Variants in RBFOX1 observed in about 807,000 individuals in gnomAD.
RBFOX1 encodes the protein RNA binding protein fox-1 homolog 1.
RBFOX1 carries 8 observed loss-of-function variants against 57.7 expected under a neutral mutation model. The ratio of observed to expected loss-of-function variants is 0.14; its 90% CI spans 0.08 to 0.25. RBFOX1 has a LOEUF of 0.25. RBFOX1 is among the 10% of genes least tolerant of loss of function. The pLI, the probability that RBFOX1 is intolerant of heterozygous loss-of-function variation, is 1.00. For missense variants in RBFOX1, 611 were observed against 548.5 expected (o/e 1.11, Z -1.14); for synonymous variants, 326 against 222.4 (o/e 1.47, Z -4.15).
In RBFOX1 at chr16:5,709,344, C is replaced by G. The variant is rs74006218; in HGVS notation, c.318+110383C>G. 7.2e-3 allele frequency among the ~76,000 whole-genome samples: 1,101 copies of G among 152,222 alleles called. 9 individuals carry two copies. The highest frequency in any genetic ancestry group is 0.024 in the African/African-American group (1,008 of 41,534). The stretch of plus-strand genomic sequence containing the variant: ...AAGAGTAAGGAATGGTTCTTCTGTT[C>G]TTTGATCAGTGAGCATGTGCCTGAA... On this transcript the variant is annotated intron_variant, in intron 3 of 19. Coordinates refer to the RBFOX1 transcript ENST00000641259.
At chr16:6,767,729 T>C (rs928310720) in intron 3 of RBFOX1, among the ~76,000 whole-genome samples, 16 of 151,502 alleles carry the variant, frequency 1.1e-4, no homozygotes, top group African/African-American at 3.4e-4. Context: ...GCCTGGCCAA[T>C]ATGGTGAAAC....
intron 3 of RBFOX1, among the ~76,000 whole-genome samples, chr16:6,903,204 G>A (rs2068904001): frequency 6.6e-6 from 1 of 152,156 alleles, no homozygotes; most frequent in Non-Finnish European, 1.5e-5. Context: ...AGATCTGGGG[G>A]CTAGAGAGCT....
intron 3 of RBFOX1, among the ~76,000 whole-genome samples, chr16:5,839,457 C>G (rs1159816110): frequency 6.6e-6 from 1 of 152,162 alleles, no homozygotes; most frequent in Admixed American, 6.5e-5. Flanking sequence ...GGTCCTGATT[C>G]ACCAGATGCA....
chr16:7,236,894 T>C (rs1002089151), intron 4 of RBFOX1, among the ~76,000 whole-genome samples: 1 of 152,114 alleles, frequency 6.6e-6, no homozygotes, highest in African/African-American at 2.4e-5. Context: ...ATGGCTGTTG[T>C]TGGGAGGATT....
intron 2 of RBFOX1, among the ~76,000 whole-genome samples, chr16:6,461,557 T>C (rs2094922129): frequency 6.6e-6 from 1 of 152,224 alleles, no homozygotes; most frequent in Non-Finnish European, 1.5e-5. Flanking sequence ...ACCATAACAC[T>C]TGTGTGGCTG....
chr16:5,628,466 C>G (rs916961452), intron 3 of RBFOX1, among the ~76,000 whole-genome samples: 2 of 152,030 alleles, frequency 1.3e-5, no homozygotes, highest in African/African-American at 4.8e-5. Flanking sequence ...AGTGATCATG[C>G]TGTGTTTGTT....
chr16:6,988,359 C>G (rs1053825157), intron 3 of RBFOX1, among the ~76,000 whole-genome samples: 1 of 152,076 alleles, frequency 6.6e-6, no homozygotes, highest in South Asian at 2.1e-4. Context: ...ACTGTAGTAG[C>G]TACTGTTTAC....
In RBFOX1 at chr16:7,432,645, A is replaced by G. The variant is rs149744772; in HGVS notation, c.28-85502A>G. Among the ~76,000 whole-genome samples the G allele has an allele frequency of 2.3e-3, 346 of 152,322 alleles. 2 individuals are homozygous for G. The highest frequency in any genetic ancestry group is 7.0e-3 in the South Asian group (34 of 4,830). ...GCAGTCACAGACAATACATAAACAC[A>G]TGGGGGTAACTGTGTTCTAATAAAA... On this transcript the variant is annotated intron_variant, in intron 4 of 15. Transcript: ENST00000550418.
At chr16:7,049,789 G>A (rs868245282) in intron 3 of RBFOX1, among the ~76,000 whole-genome samples, 3 of 152,172 alleles carry the variant, frequency 2.0e-5, no homozygotes, top group Non-Finnish European at 4.4e-5. Flanking sequence ...GAAACAGGAT[G>A]AAGTGTTTTC....
chr16:5,791,436 C>G (rs2054693494), intron 3 of RBFOX1, among the ~76,000 whole-genome samples: 1 of 152,120 alleles, frequency 6.6e-6, no homozygotes, highest in African/African-American at 2.4e-5. Context: ...ATCCTAGGAT[C>G]TGGGTACTAA....
At chr16:5,520,212 AGT>A (rs1305073859) in intron 2 of RBFOX1, among the ~76,000 whole-genome samples, 1 of 152,002 alleles carries the variant, frequency 6.6e-6, no homozygotes, top group African/African-American at 2.4e-5. Flanking sequence ...GGAAAGGGAG[AGT>A]GTGGGGCTGT....
chr16:6,754,939 C>G (rs1402053332), intron 3 of RBFOX1, among the ~76,000 whole-genome samples: 2 of 151,828 alleles, frequency 1.3e-5, no homozygotes, highest in Non-Finnish European at 2.9e-5. Context: ...CCACCTATGA[C>G]TGAGAATATG....
intron 3 of RBFOX1, among the ~76,000 whole-genome samples, chr16:6,760,776 C>G (rs775643358): frequency 2.6e-5 from 4 of 152,186 alleles, no homozygotes; most frequent in Non-Finnish European, 4.4e-5. Flanking sequence ...GATGAGCAGT[C>G]ACGTATTTCA....
At chr16:6,699,629 G>C (rs546872370) in intron 3 of RBFOX1, among the ~76,000 whole-genome samples, 1 of 152,212 alleles carries the variant, frequency 6.6e-6, no homozygotes, top group Admixed American at 6.5e-5. Context: ...TGTTTTTGTT[G>C]GCATGAATAC....
At chr16:7,480,069 G>A (rs1410792437) in intron 4 of RBFOX1, among the ~76,000 whole-genome samples, 1 of 152,166 alleles carries the variant, frequency 6.6e-6, no homozygotes, top group East Asian at 1.9e-4. Context: ...TCTTCTGAAT[G>A]GTCTATGTGA....
intron 3 of RBFOX1, among the ~76,000 whole-genome samples, chr16:5,691,152 T>C (rs1237839577): frequency 2.0e-5 from 3 of 152,364 alleles, no homozygotes; most frequent in African/African-American, 2.4e-5. Context: ...TTTTCCCTTA[T>C]GTTTTCTGAG....
At chr16:7,115,840 G>T (rs961321343) in intron 4 of RBFOX1, among the ~76,000 whole-genome samples, 1 of 152,202 alleles carries the variant, frequency 6.6e-6, no homozygotes, top group African/African-American at 2.4e-5. Flanking sequence ...CATGTTACAG[G>T]CTTTATACCA....
At chr16:5,636,551 G>A (rs2048692327) in intron 3 of RBFOX1, among the ~76,000 whole-genome samples, 1 of 151,748 alleles carries the variant, frequency 6.6e-6, no homozygotes, top group African/African-American at 2.4e-5. Context: ...GGTCAGGGTT[G>A]TCATGTTTTT....
intron 1 of RBFOX1, among the ~76,000 whole-genome samples, chr16:6,116,755 A>G (rs566442725): frequency 6.6e-6 from 1 of 152,164 alleles, no homozygotes; most frequent in African/African-American, 2.4e-5. Context: ...CTGATAGGGG[A>G]GAAAACAGAA....
Sources: allele counts gnomAD v4.1 joint callset (sites outside exome capture counted in the v4.1 genomes callset), GRCh38; gene constraint gnomAD v4.1.1; transcripts MANE v1.5; gene names NCBI Gene and HGNC (gene_info 2026-07-23, HGNC 2026-07-21).